ZBTB7C: variants seen among roughly 807,000 people sequenced by gnomAD.
ZBTB7C encodes the protein zinc finger and BTB domain-containing protein 7C.
Under a neutral mutation model 25.7 loss-of-function variants are expected in ZBTB7C, and 8 were observed. The observed-to-expected ratio is 0.31, with a 90% CI of 0.18 to 0.56. The LOEUF (loss-of-function observed/expected upper bound fraction) is 0.56. Ranked by LOEUF, ZBTB7C falls within the 20% of genes least tolerant of loss-of-function variation. ZBTB7C has a pLI of 0.91. For synonymous variants in ZBTB7C, 394 were observed against 369.0 expected (o/e 1.07, Z -0.78); for missense variants, 824 against 855.2 (o/e 0.96, Z 0.46).
chr18:48,244,286 G>A (rs1274860325), intron 2 of ZBTB7C, among the ~76,000 whole-genome samples: 86 of 152,118 alleles, frequency 5.7e-4, no homozygotes, highest in Non-Finnish European at 2.1e-4. Flanking sequence ...GTGGTGGCAG[G>A]TGCCTGTAGT....
rs569301321 is a variant in ZBTB7C, at chr18:48,081,537, C to A, written c.-16-40414G>T. ...GCAGTGGTGCAATCTCAGCTCACTG[C>A]AAGCTCCGCCTCCCAGGTTCATGCC... On this transcript the variant is annotated intron_variant, in intron 3 of 4. Coordinates refer to ENST00000590800, the MANE Select transcript of ZBTB7C (RefSeq NM_001318841.2). 2.0e-3 allele frequency among the ~76,000 whole-genome samples: 303 copies of A among 151,820 alleles called. 1 individual carries two copies. Among genetic ancestry groups the A allele is most frequent in the Non-Finnish European group, 3.9e-3 (262 of 67,944 alleles).
At chr18:48,296,678 T>C (rs185125537) in intron 2 of ZBTB7C, among the ~76,000 whole-genome samples, 1 of 152,180 alleles carries the variant, frequency 6.6e-6, no homozygotes, top group Non-Finnish European at 1.5e-5. Flanking sequence ...GTCCTATGAG[T>C]CTGTCTAGAG....
intron 4 of ZBTB7C, among the ~76,000 whole-genome samples, chr18:48,034,207 C>T (rs937738944): frequency 2.0e-5 from 3 of 152,144 alleles, no homozygotes; most frequent in African/African-American, 4.8e-5. Flanking sequence ...TCACTTACCC[C>T]TTAGCATGGC....
chr18:48,103,048 T>C (rs554474713), intron 3 of ZBTB7C, among the ~76,000 whole-genome samples: 45 of 146,904 alleles, frequency 3.1e-4, no homozygotes, highest in Admixed American at 1.0e-3. Context: ...TTTTATATTA[T>C]ATATATATCT....
intron 2 of ZBTB7C, among the ~76,000 whole-genome samples, chr18:48,273,243 A>G (rs1367901386): frequency 6.6e-6 from 1 of 152,206 alleles, no homozygotes; most frequent in Non-Finnish European, 1.5e-5. Flanking sequence ...TAAAGGGCCA[A>G]GAATTGCTAA....
At chr18:48,088,737 C>T (rs549584427) in intron 3 of ZBTB7C, among the ~76,000 whole-genome samples, 4 of 151,998 alleles carry the variant, frequency 2.6e-5, no homozygotes, top group South Asian at 2.1e-4. Flanking sequence ...GGCTGAGGCA[C>T]GAGAATCGCT....
rs1383363253 is a variant in ZBTB7C, at chr18:48,028,483, A to G, written c.*777T>C. On this transcript the variant is annotated 3_prime_UTR_variant, in exon 5 of 5. Transcript: ENST00000590800. ...AGCTGGATGTGATAAAACTAAGTCC[A>G]GAAAGATAAACTGTTTCCCCATGGA... is the stretch of plus-strand genomic sequence containing the variant. The G allele has an allele frequency of 1.3e-5, 2 of 152,238 alleles. No homozygotes were observed. The highest frequency in any genetic ancestry group is 2.9e-5 in the Non-Finnish European group (2 of 68,056). The allele number at this position is 152,238 out of a possible 1,614,324, so 9.4% of individuals were successfully genotyped here. A position where few individuals can be genotyped will look rare whatever the true frequency, so the allele number is the denominator to read the frequency against.
intron 3 of ZBTB7C, among the ~76,000 whole-genome samples, chr18:48,168,212 G>A (rs372716117): frequency 1.3e-5 from 2 of 152,206 alleles, no homozygotes; most frequent in Non-Finnish European, 2.9e-5. Flanking sequence ...TGGGCCTTTC[G>A]GTCAGAGGCT....
At chr18:48,164,636 C>CT (rs144733388) in intron 3 of ZBTB7C, among the ~76,000 whole-genome samples, 13 of 151,756 alleles carry the variant, frequency 8.6e-5, no homozygotes, top group Non-Finnish European at 1.0e-4. Context: ...TTCATAAGCG[C>CT]TTTTTTTTGC....
chr18:48,362,880 C>T (rs899422811), intron 1 of ZBTB7C, among the ~76,000 whole-genome samples: 2 of 152,188 alleles, frequency 1.3e-5, no homozygotes, highest in East Asian at 1.9e-4. Flanking sequence ...CAGGACACAA[C>T]TGAGAACCTA....
At chr18:48,093,951 T>C (rs967939269) in intron 3 of ZBTB7C, among the ~76,000 whole-genome samples, 1 of 151,946 alleles carries the variant, frequency 6.6e-6, no homozygotes, top group Non-Finnish European at 1.5e-5. Flanking sequence ...CCCAGCTACT[T>C]GGGAGGCTGA....
At chr18:48,055,617 G>C in intron 3 of ZBTB7C, among the ~76,000 whole-genome samples, 1 of 151,966 alleles carries the variant, frequency 6.6e-6, no homozygotes, top group East Asian at 1.9e-4. Flanking sequence ...TGCTTTGTGA[G>C]ACTCTCAGGA....
chr18:48,116,689 C>T (rs903854111), intron 3 of ZBTB7C, among the ~76,000 whole-genome samples: 2 of 152,142 alleles, frequency 1.3e-5, no homozygotes, highest in East Asian at 3.9e-4. Context: ...CTGTCCTGGC[C>T]ACTGCTTGCC....
chr18:48,228,743 T>TCACACACACACACACA (rs34427342), intron 2 of ZBTB7C, among the ~76,000 whole-genome samples: 84 of 135,826 alleles, frequency 6.2e-4, no homozygotes, highest in Non-Finnish European at 6.7e-4. Context: ...TCTCTCTCTC[T>TCACACACACACACACA]CTCTCACACA....
chr18:48,104,557 A>G (rs1202453981), intron 3 of ZBTB7C, among the ~76,000 whole-genome samples: 5 of 152,214 alleles, frequency 3.3e-5, no homozygotes, highest in African/African-American at 9.6e-5. Context: ...GTATGTATGT[A>G]TGTATGTACA....
chr18:48,161,411 G>C (rs1411137469), intron 3 of ZBTB7C, among the ~76,000 whole-genome samples: 1 of 152,030 alleles, frequency 6.6e-6, no homozygotes. Context: ...GGGATGAGAG[G>C]AAACTGTAAA....
intron 2 of ZBTB7C, among the ~76,000 whole-genome samples, chr18:48,304,003 G>C (rs963224445): frequency 2.0e-5 from 3 of 152,090 alleles, no homozygotes; most frequent in African/African-American, 7.2e-5. Context: ...TGGGAGCTAC[G>C]ACCACCCCCA....
chr18:48,204,459 G>A (rs769445061), intron 2 of ZBTB7C, among the ~76,000 whole-genome samples: 9 of 152,076 alleles, frequency 5.9e-5, no homozygotes, highest in Non-Finnish European at 8.8e-5. Context: ...TTATAATCTC[G>A]CTGGGAGACA....
chr18:48,146,458 T>C (rs2040500079), intron 3 of ZBTB7C, among the ~76,000 whole-genome samples: 1 of 152,224 alleles, frequency 6.6e-6, no homozygotes, highest in Admixed American at 6.5e-5. Flanking sequence ...TGTTTGGGTA[T>C]GTTAATAAAC....
Sources: allele counts gnomAD v4.1 joint callset (sites outside exome capture counted in the v4.1 genomes callset), GRCh38; gene constraint gnomAD v4.1.1; transcripts MANE v1.5; gene names NCBI Gene and HGNC (gene_info 2026-07-23, HGNC 2026-07-21).